MAD1L1: variants seen among roughly 807,000 people sequenced by gnomAD.
MAD1L1 encodes the protein mitotic arrest deficient 1 like 1.
A neutral mutation model predicts 96.9 loss-of-function variants in MAD1L1; 95 were observed. The ratio of observed to expected loss-of-function variants is 0.98; its 90% CI spans 0.83 to 1.16. The LOEUF is 1.16. Among genes scored for constraint, MAD1L1 ranks in the 50% most tolerant of loss-of-function variants. The probability of loss-of-function intolerance (pLI) is 0.00; values close to 1 mark genes in which losing one functional copy is unlikely to be tolerated. For missense variants in MAD1L1, 1,007 were observed against 954.4 expected, an observed-to-expected ratio of 1.06 and a Z score of -0.73; for synonymous variants, 473 against 396.6, an observed-to-expected ratio of 1.19 and a Z score of -2.29.
chr7:1,901,019 A>T (rs1050989756), intron 17 of MAD1L1, among the ~76,000 whole-genome samples: 2 of 152,098 alleles, frequency 1.3e-5, no homozygotes, highest in African/African-American at 4.8e-5. Context: ...ACCCTCTGAC[A>T]GACAAACCCA....
At chr7:1,983,116 GCACA>G (rs1189698679) in intron 14 of MAD1L1, among the ~76,000 whole-genome samples, 1 of 149,856 alleles carries the variant, frequency 6.7e-6, no homozygotes, top group African/African-American at 2.5e-5. Flanking sequence ...GTGCACACAC[GCACA>G]CACACCCACA....
chr7:2,162,273 A>G (rs1386675287), intron 10 of MAD1L1, among the ~76,000 whole-genome samples: 10 of 147,030 alleles, frequency 6.8e-5, no homozygotes. Flanking sequence ...GGATGCTGTT[A>G]ATCTATAACC....
chr7:2,216,142 C>A lies in MAD1L1; in HGVS notation c.809+15G>T, dbSNP rs1401246313. On this transcript the variant is annotated intron_variant, in intron 8 of 18. Transcript: ENST00000265854. ...CTCACTCGAGGCGGCTGCCCCATCC[C>A]CCGCAACCCCTCACCGCAGGTGCGC... The A allele has an allele frequency of 6.2e-7, 1 of 1,611,294 alleles. No individual in the cohort carries two copies. The highest frequency in any genetic ancestry group is 2.2e-5 in the East Asian group (1 of 44,866).
At chr7:2,065,803 C>T (rs533362591) in intron 12 of MAD1L1, among the ~76,000 whole-genome samples, 20 of 152,292 alleles carry the variant, frequency 1.3e-4, no homozygotes, top group African/African-American at 4.6e-4. Flanking sequence ...TGCTGTGAGA[C>T]AGGGCGGGAG....
intron 10 of MAD1L1, chr7:2,200,627 C>T (rs1202619828): frequency 6.6e-6 from 1 of 152,308 alleles, no homozygotes; most frequent in Non-Finnish European, 1.5e-5. Flanking sequence ...CATGAGCCGC[C>T]CCACAGGCTG....
intron 10 of MAD1L1, among the ~76,000 whole-genome samples, chr7:2,194,914 A>C (rs1229366515): frequency 1.3e-5 from 2 of 152,078 alleles, no homozygotes; most frequent in African/African-American, 2.4e-5. Context: ...TCTCTACTAA[A>C]AAAACAAATA....
chr7:1,822,617 C>T lies in MAD1L1; in HGVS notation c.1999-6389G>A, dbSNP rs571929481. 6.6e-5 allele frequency among the ~76,000 whole-genome samples: 10 copies of T among 151,576 alleles called. 1 individual carries two copies. Among genetic ancestry groups the T allele is most frequent in the Non-Finnish European group, 1.2e-4 (8 of 67,916 alleles). ...TGTATTTTTTTCATAGAGATGGGGT[C>T]TCCCTGTGTTGCCCAGGCTGGTCTC... is the stretch of plus-strand genomic sequence containing the variant. On this transcript the variant is annotated intron_variant, in intron 18 of 18. Coordinates refer to ENST00000265854, the MANE Select transcript of MAD1L1 (RefSeq NM_001013836.2).
At chr7:2,195,290 T>C (rs1791928994) in intron 10 of MAD1L1, among the ~76,000 whole-genome samples, 1 of 152,230 alleles carries the variant, frequency 6.6e-6, no homozygotes, top group Admixed American at 6.5e-5. Flanking sequence ...CTACTTTTCT[T>C]ATCCGAGTCA....
intron 15 of MAD1L1, among the ~76,000 whole-genome samples, chr7:1,960,758 G>C (rs1260905005): frequency 2.0e-5 from 3 of 152,084 alleles, no homozygotes; most frequent in Non-Finnish European, 4.4e-5. Context: ...CAAAAAATCA[G>C]GAGGACAAGG....
At chr7:2,129,863 A>G (rs570501827) in intron 11 of MAD1L1, among the ~76,000 whole-genome samples, 49 of 152,324 alleles carry the variant, frequency 3.2e-4, no homozygotes, top group Non-Finnish European at 6.0e-4. Flanking sequence ...AGGGGCACAC[A>G]GGCAGGCAGC....
In MAD1L1 at chr7:1,934,188, C is replaced by A. The variant is rs1789645078; in HGVS notation, c.1807+2499G>T. ...GTGGCGCGGCCCCCACTATCCCAGG[C>A]CTCTGCTCATCCTCCCCTTCCTGCT... On this transcript the variant is annotated intron_variant, in intron 17 of 18. Coordinates refer to ENST00000265854, the MANE Select transcript of MAD1L1 (RefSeq NM_001013836.2). 1.3e-5 allele frequency among the ~76,000 whole-genome samples: 2 copies of A among 152,208 alleles called. 1 individual carries two copies. The highest frequency in any genetic ancestry group is 4.1e-4 in the South Asian group (2 of 4,824).
At chr7:1,971,794 C>T (rs1780418389) in intron 15 of MAD1L1, among the ~76,000 whole-genome samples, 1 of 152,168 alleles carries the variant, frequency 6.6e-6, no homozygotes, top group Non-Finnish European at 1.5e-5. Flanking sequence ...GAATCCCACG[C>T]CAGCAATGGA....
intron 11 of MAD1L1, among the ~76,000 whole-genome samples, chr7:2,118,139 C>T (rs370062531): frequency 6.8e-4 from 104 of 152,340 alleles, no homozygotes; most frequent in African/African-American, 1.9e-3. Flanking sequence ...CATCCCAAGC[C>T]GCCAGCCGGC....
intron 11 of MAD1L1, among the ~76,000 whole-genome samples, chr7:2,121,950 T>C (rs903735878): frequency 1.3e-5 from 2 of 151,874 alleles, no homozygotes; most frequent in African/African-American, 4.8e-5. Flanking sequence ...ACAGAAGGGC[T>C]AGAGAGCCAA....
At chr7:1,874,319 G>C (rs192339386) in intron 18 of MAD1L1, among the ~76,000 whole-genome samples, 37 of 152,286 alleles carry the variant, frequency 2.4e-4, no homozygotes, top group Admixed American at 2.2e-3. Context: ...ACAGTGCAGA[G>C]GACAGAGGGG....
chr7:2,106,462 G>A (rs1459391701), intron 11 of MAD1L1, among the ~76,000 whole-genome samples: 1 of 151,972 alleles, frequency 6.6e-6, no homozygotes, highest in Admixed American at 6.5e-5. Context: ...ATGCGCTCCT[G>A]GAAACCTGTG....
At chr7:2,153,283 T>TAACCAA (rs1789669958) in intron 10 of MAD1L1, among the ~76,000 whole-genome samples, 6 of 152,084 alleles carry the variant, frequency 3.9e-5, no homozygotes, top group Non-Finnish European at 8.8e-5. Context: ...CTGTCAACTC[T>TAACCAA]TCGGCCAATA....
At chr7:2,138,417 G>A (rs1411517514) in intron 11 of MAD1L1, among the ~76,000 whole-genome samples, 2 of 152,216 alleles carry the variant, frequency 1.3e-5, no homozygotes, top group Non-Finnish European at 2.9e-5. Flanking sequence ...GAACCACGAC[G>A]AGGTGGGCGC....
In MAD1L1 at chr7:2,168,840, G is replaced by A. The variant is rs1637764; in HGVS notation, c.987-19602C>T. ...GCGTGGGGCCCAGAGGCCACCGGGAGGACTCAGGTTTTATTCCGAGTGTGC... is the reference window on the plus strand; with the variant it reads ...GCGTGGGGCCCAGAGGCCACCGGGAAGACTCAGGTTTTATTCCGAGTGTGC... On this transcript the variant is annotated intron_variant, in intron 10 of 18. Coordinates refer to ENST00000265854, the MANE Select transcript of MAD1L1 (RefSeq NM_001013836.2). Among the ~76,000 whole-genome samples the A allele has an allele frequency of 3.1e-3, 475 of 152,346 alleles. 5 individuals carry two copies. Among genetic ancestry groups the A allele is most frequent in the African/African-American group, 0.011 (460 of 41,582 alleles).
Sources: gnomAD v4.1 joint callset for allele counts (sites outside exome capture counted in the v4.1 genomes callset) on GRCh38, gnomAD v4.1.1 for gene constraint, MANE v1.5 for transcripts, NCBI Gene and HGNC (gene_info 2026-07-23, HGNC 2026-07-21) for gene names.